Variants in KCNN3 observed in about 807,000 individuals in gnomAD.
The protein encoded by KCNN3 is potassium calcium-activated channel subfamily N member 3.
A neutral mutation model predicts 62.9 loss-of-function variants in KCNN3; 16 were observed. The observed-to-expected ratio is 0.25, with a 90% CI of 0.17 to 0.39. The LOEUF (loss-of-function observed/expected upper bound fraction) is 0.39. Among genes scored for constraint, KCNN3 ranks in the 10% least tolerant of loss-of-function variants. The probability of loss-of-function intolerance (pLI) is 1.00; values close to 1 mark genes in which losing one functional copy is unlikely to be tolerated. For synonymous variants in KCNN3, 370 were observed against 389.2 expected (o/e 0.95, Z 0.58); for missense variants, 599 against 949.4 (o/e 0.63, Z 4.85).
chr1:154,736,588 C>A (rs1700715315), intron 3 of KCNN3, among the ~76,000 whole-genome samples: 2 of 152,152 alleles, frequency 1.3e-5, no homozygotes, highest in Non-Finnish European at 2.9e-5. Context: ...GCCTTGAATA[C>A]CGAACCATGA....
At chr1:154,829,692 C>G (rs1025646136) in intron 1 of KCNN3, among the ~76,000 whole-genome samples, 2 of 152,218 alleles carry the variant, frequency 1.3e-5, no homozygotes, top group Non-Finnish European at 2.9e-5. Context: ...AGAGCCCTGT[C>G]TTCAGTCCTC....
At position 154,741,934 on chromosome 1, in the gene KCNN3, G is replaced by A. The variant is rs1293490896; in HGVS notation, c.1449-8790C>T. ...ACTGAGCTGTGAACCCTGTGCTTGC[G>A]AATTTCTCCAATGAGGAAGCCAACA... On this transcript the variant is annotated intron_variant, in intron 3 of 7. Coordinates refer to ENST00000271915, the MANE Select transcript of KCNN3 (RefSeq NM_002249.6). Among the ~76,000 whole-genome samples the A allele has an allele frequency of 1.3e-5, 2 of 152,222 alleles. 1 individual carries two copies. Among genetic ancestry groups the A allele is most frequent in the Non-Finnish European group, 2.9e-5 (2 of 68,044 alleles).
chr1:154,807,262 G>A (rs1344434876), intron 2 of KCNN3, among the ~76,000 whole-genome samples: 3 of 152,138 alleles, frequency 2.0e-5, no homozygotes, highest in African/African-American at 7.2e-5. Context: ...ACTGAGAAGA[G>A]GAAAAAATGT....
intron 3 of KCNN3, among the ~76,000 whole-genome samples, chr1:154,755,836 A>G (rs1647652580): frequency 7.9e-6 from 1 of 126,548 alleles, no homozygotes; most frequent in Non-Finnish European, 1.7e-5. Context: ...AAGGAGGAGG[A>G]GGGGGAAAGA....
chr1:154,863,794 C>A (rs1268774859), intron 1 of KCNN3, among the ~76,000 whole-genome samples: 1 of 152,220 alleles, frequency 6.6e-6, no homozygotes, highest in Non-Finnish European at 1.5e-5. Flanking sequence ...GCCAGGATGC[C>A]CCTGGCGGAG....
intron 2 of KCNN3, among the ~76,000 whole-genome samples, chr1:154,779,479 A>G (rs1648931437): frequency 6.6e-6 from 1 of 152,192 alleles, no homozygotes; most frequent in Non-Finnish European, 1.5e-5. Flanking sequence ...CCATTCCTTG[A>G]TGGCCATTCC....
intron 3 of KCNN3, among the ~76,000 whole-genome samples, chr1:154,739,554 G>A (rs998465716): frequency 2.6e-5 from 4 of 152,220 alleles, no homozygotes; most frequent in African/African-American, 9.7e-5. Flanking sequence ...ATGGTAGGAA[G>A]CTTCTAAAAT....
rs550707613 is a variant in KCNN3 at position 154,734,865 on chromosome 1, C to A, written c.1449-1721G>T. On this transcript the variant is annotated intron_variant, in intron 3 of 7. Coordinates refer to ENST00000271915, the MANE Select transcript of KCNN3 (RefSeq NM_002249.6). ...GACTTGCCTAAGGACACACAGGAAG[C>A]AAAGCCCATGCTCCTTTCACTGTTT... Among the ~76,000 whole-genome samples the A allele has an allele frequency of 3.3e-5, 5 of 152,312 alleles. No homozygotes were observed. In the South Asian group the frequency reaches 8.3e-4, roughly 25 times the overall value.
chr1:154,804,023 C>T (rs1451827512), intron 2 of KCNN3, among the ~76,000 whole-genome samples: 1 of 152,240 alleles, frequency 6.6e-6, no homozygotes, highest in South Asian at 2.1e-4. Context: ...CTTTTGATTG[C>T]TGTCATTGCT....
At chr1:154,725,101 G>A (rs988824626) in intron 5 of KCNN3, among the ~76,000 whole-genome samples, 4 of 152,068 alleles carry the variant, frequency 2.6e-5, no homozygotes, top group Non-Finnish European at 4.4e-5. Flanking sequence ...TGCTCCGCCC[G>A]CCTCGGCCTC....
rs184056580 is a variant in KCNN3, at chr1:154,792,131, A to T, written c.1030-19738T>A. Among the ~76,000 whole-genome samples, 4 of 152,288 alleles carry T rather than the reference A, an allele frequency of 2.6e-5. No homozygotes were observed. In the East Asian group the frequency reaches 7.7e-4, roughly 29 times the overall value. ...TGCCATTGTGGTAAAAATGGGTGGC[A>T]CTCACTGTGGGAACCTTGAAAGGGA... is the stretch of plus-strand genomic sequence containing the variant. On this transcript the variant is annotated intron_variant, in intron 2 of 7. Coordinates refer to ENST00000271915, the MANE Select transcript of KCNN3 (RefSeq NM_002249.6).
Position 154,772,227 on chromosome 1 carries a change from G to A in KCNN3, c.1196C>T (p.Ala399Val), listed in dbSNP as rs368720064. 3.7e-6 allele frequency: 6 copies of A among 1,614,098 alleles called. No homozygotes were observed. The highest frequency in any genetic ancestry group is 4.5e-5 in the East Asian group (2 of 44,892). Residue 399 changes from alanine (A) to valine (V), a missense_variant, in exon 3 of 8, where the codon GCG (alanine) becomes GTG (valine). Physicochemically the swap from Ala to Val is moderately conservative, Grantham distance 64 (BLOSUM62 0). Around this residue, in one of 7 missense-constraint regions of KCNN3, gnomAD observed 288 missense variants for 557.4 expected, o/e 0.52. Coordinates refer to ENST00000271915, the MANE Select transcript of KCNN3 (RefSeq NM_002249.6). The surrounding 1 kb of genome is among the most constrained non-coding windows in gnomAD (Gnocchi z 5.6). Reference protein sequence around the residue: ...RLAFSYTPSRAEADVDIILSI... With the variant: ...RLAFSYTPSRVEADVDIILSI... ...CAGGATGATGTCCACATCGGCCTCC[G>A]CCCGGGAGGGTGTGTAGGAGAAGGC...
rs1006199903 is a variant in KCNN3, at chr1:154,763,612, T to A, written c.1448+8363A>T. On this transcript the variant is annotated intron_variant, in intron 3 of 7. Coordinates refer to ENST00000271915, the MANE Select transcript of KCNN3 (RefSeq NM_002249.6). ...TGAGTTTTTACGTACAGGGTCATCATTGTTGTAATTTTCTAATAGCCTTTA... is the reference window on the plus strand; with the variant it reads ...TGAGTTTTTACGTACAGGGTCATCAATGTTGTAATTTTCTAATAGCCTTTA... Among the ~76,000 whole-genome samples, 11 of 152,166 alleles carry A rather than the reference T, an allele frequency of 7.2e-5. 2 individuals are homozygous for A. The highest frequency in any genetic ancestry group is 5.9e-4 in the Admixed American group (9 of 15,288).
At chr1:154,803,934 G>C (rs953347273) in intron 2 of KCNN3, among the ~76,000 whole-genome samples, 1 of 152,176 alleles carries the variant, frequency 6.6e-6, no homozygotes, top group African/African-American at 2.4e-5. Flanking sequence ...ATTCCCAGAG[G>C]AACATTTTCC....
intron 2 of KCNN3, among the ~76,000 whole-genome samples, chr1:154,797,156 A>G (rs534284490): frequency 5.3e-5 from 8 of 152,338 alleles, no homozygotes; most frequent in Middle Eastern, 3.4e-3. Context: ...AGACAGAGAC[A>G]GCAGTGAGGC....
chr1:154,742,842 C>A (rs909852449), intron 3 of KCNN3, among the ~76,000 whole-genome samples: 3 of 152,212 alleles, frequency 2.0e-5, no homozygotes, highest in Admixed American at 6.5e-5. Flanking sequence ...AGCCTCTCAC[C>A]TGGGGCTTCG....
At chr1:154,849,129 C>T (rs756654218) in intron 1 of KCNN3, among the ~76,000 whole-genome samples, 20 of 152,208 alleles carry the variant, frequency 1.3e-4, no homozygotes, top group Non-Finnish European at 2.4e-4. Flanking sequence ...AGGATTCTAG[C>T]GATGCCTGGG....
At chr1:154,865,338 G>A (rs1297036851) in intron 1 of KCNN3, among the ~76,000 whole-genome samples, 1 of 151,406 alleles carries the variant, frequency 6.6e-6, no homozygotes, top group Non-Finnish European at 1.5e-5. Context: ...ACTTCAGAGA[G>A]TAAACCTGCC....
At position 154,743,489 on chromosome 1, in the gene KCNN3, C is replaced by T. The variant is rs138960065; in HGVS notation, c.1449-10345G>A. Among the ~76,000 whole-genome samples, 1,495 of 152,358 alleles carry T rather than the reference C, an allele frequency of 9.8e-3. 14 individuals carry two copies. Among genetic ancestry groups the T allele is most frequent in the Middle Eastern group, 0.054 (16 of 294 alleles). On this transcript the variant is annotated intron_variant, in intron 3 of 7. Coordinates refer to ENST00000271915, the MANE Select transcript of KCNN3 (RefSeq NM_002249.6). ...GCCCTGCCACCTGGGGTTTCTGCAG[C>T]TCCTTCACCCAGCCAGCTTTACTCC...
Sources: allele counts gnomAD v4.1 joint callset (sites outside exome capture counted in the v4.1 genomes callset), GRCh38; gene constraint gnomAD v4.1.1; regional missense constraint gnomAD v4.1.1; non-coding constraint Gnocchi (gnomAD v3.1); transcripts MANE v1.5; gene names NCBI Gene and HGNC (gene_info 2026-07-23, HGNC 2026-07-21).